The following UTP4 variants were observed in gnomAD, a reference collection of about 807,000 sequenced individuals.
UTP4 encodes the protein UTP4 small subunit processome component.
UTP4 carries 45 observed loss-of-function variants against 82.4 expected under a neutral mutation model. The observed-to-expected ratio is 0.55, with a 90% CI of 0.43 to 0.70. UTP4 has a LOEUF of 0.70. UTP4 is among the 30% of genes least tolerant of loss of function. UTP4 has a pLI of 0.00. For synonymous variants in UTP4, 348 were observed against 300.3 expected (o/e 1.16, Z -1.64); for missense variants, 819 against 858.3 (o/e 0.95, Z 0.57).
chr16:69,133,196 G>T (rs1262507689), intron 1 of UTP4, among the ~76,000 whole-genome samples: 1 of 151,802 alleles, frequency 6.6e-6, no homozygotes, highest in Non-Finnish European at 1.5e-5. Flanking sequence ...ATTCCTAGGC[G>T]CCCCGAGATA....
intron 5 of UTP4, among the ~76,000 whole-genome samples, chr16:69,140,523 C>CA: frequency 6.6e-6 from 1 of 152,254 alleles, no homozygotes; most frequent in African/African-American, 2.4e-5. Flanking sequence ...CAAGACCAGC[C>CA]TGACCAACAT....
chr16:69,155,745 G>A, intron 10 of UTP4, 126 bp from the exon 11 acceptor site: 1 of 1,003,424 alleles, frequency 1.0e-6, no homozygotes, highest in East Asian at 2.4e-5. Flanking sequence ...ACCACACGAG[G>A]ATCGAGATTA....
chr16:69,160,601 T>C (rs1963540509), intron 13 of UTP4, 139 bp downstream of exon 13: 1 of 516,624 alleles, frequency 1.9e-6, no homozygotes, highest in Admixed American at 3.3e-5. Flanking sequence ...TTCTTTTCTT[T>C]TTTTTTTTTT....
At chr16:69,164,921 C>T (rs1963661684) in intron 14 of UTP4, among the ~76,000 whole-genome samples, 2 of 152,058 alleles carry the variant, frequency 1.3e-5, no homozygotes, top group Non-Finnish European at 1.5e-5. Flanking sequence ...ATGGGCAGGG[C>T]GCGGTGGCTC....
At chr16:69,167,432 G>C in intron 16 of UTP4, 1 of 480,206 alleles carries the variant, frequency 2.1e-6, no homozygotes, top group East Asian at 4.0e-5. Flanking sequence ...AGAAATGTTG[G>C]CGCTGAGGGT....
intron 6 of UTP4, among the ~76,000 whole-genome samples, chr16:69,149,235 C>T (rs1336216020): frequency 6.6e-6 from 1 of 152,042 alleles, no homozygotes; most frequent in Non-Finnish European, 1.5e-5. Flanking sequence ...CAAAAATTAA[C>T]CAGGCATGGT....
chr16:69,167,411 C>A, intron 16 of UTP4: 1 of 529,466 alleles, frequency 1.9e-6, no homozygotes. Context: ...AAATGAAATG[C>A]GTAAGTAGTG....
intron 13 of UTP4, among the ~76,000 whole-genome samples, chr16:69,162,315 C>T (rs189812561): frequency 8.4e-4 from 128 of 152,016 alleles, no homozygotes; most frequent in African/African-American, 2.9e-3. Context: ...CGGTGGCTTA[C>T]GCCTGTAATC....
chr16:69,148,980 C>T (rs1029617885), intron 6 of UTP4, among the ~76,000 whole-genome samples: 2 of 151,810 alleles, frequency 1.3e-5, no homozygotes, highest in Non-Finnish European at 2.9e-5. Flanking sequence ...TTATTTCTTT[C>T]ATTCTTTTTA....
At chr16:69,154,827 C>T in intron 10 of UTP4, among the ~76,000 whole-genome samples, 1 of 152,066 alleles carries the variant, frequency 6.6e-6, no homozygotes, top group East Asian at 1.9e-4. Flanking sequence ...CTCCTGGGTT[C>T]AAGCGATTCT....
chr16:69,156,962 C>T (rs969664224), intron 11 of UTP4, 122 bp from the exon 12 acceptor site: 12 of 936,864 alleles, frequency 1.3e-5, no homozygotes, highest in Admixed American at 5.5e-5. Flanking sequence ...TGTTCTGTGC[C>T]GAGTCAGTTG....
At chr16:69,146,650 C>T (rs1436122443) in intron 6 of UTP4, among the ~76,000 whole-genome samples, 1 of 151,356 alleles carries the variant, frequency 6.6e-6, no homozygotes, top group Non-Finnish European at 1.5e-5. Context: ...CAGTTGAGGT[C>T]AGGAGTTCGA....
chr16:69,135,724 T>A (rs973130174), intron 2 of UTP4, among the ~76,000 whole-genome samples: 9 of 151,714 alleles, frequency 5.9e-5, no homozygotes, highest in Admixed American at 2.0e-4. Context: ...TCAAAAAAAA[T>A]AAATAAATAA....
chr16:69,167,164 T>C lies in UTP4; in HGVS notation c.1923T>C (p.Phe641=). 1.2e-6 allele frequency: 2 copies of C among 1,609,804 alleles called. No homozygotes were observed. The highest frequency in any genetic ancestry group is 1.3e-5 in the African/African-American group (1 of 74,972). The change falls in exon 16 of 17, where the codon TTT becomes TTC. Residue 641 remains phenylalanine (F), a synonymous_variant. Transcript: ENST00000314423. ...DVIRRRTAHA[F]KISKIYKPLL... ...TCCGGAGGCGCACAGCTCATGCTTTTAAAATTTCTAAGATATATAAGGTAA... is the reference window on the plus strand; with the variant it reads ...TCCGGAGGCGCACAGCTCATGCTTTCAAAATTTCTAAGATATATAAGGTAA...
intron 2 of UTP4, among the ~76,000 whole-genome samples, chr16:69,135,699 A>G (rs1019308273): frequency 2.6e-5 from 4 of 152,144 alleles, no homozygotes; most frequent in Non-Finnish European, 5.9e-5. Flanking sequence ...CTGGGTGACA[A>G]AATGAGACCC....
At chr16:69,147,381 T>C (rs886327044) in intron 6 of UTP4, among the ~76,000 whole-genome samples, 3 of 151,864 alleles carry the variant, frequency 2.0e-5, no homozygotes, top group African/African-American at 7.3e-5. Context: ...GGTATGCGCC[T>C]GTAGTCCCAG....
At position 69,167,183 on chromosome 16, in the gene UTP4, A is replaced by G; in HGVS notation, c.1942A>G (p.Lys648Glu). ...TGCTTTTAAAATTTCTAAGATATATAAGGTAAAACATCTTGTGTTGTTATT... is the reference window on the plus strand; with the variant it reads ...TGCTTTTAAAATTTCTAAGATATATGAGGTAAAACATCTTGTGTTGTTATT... ...AHAFKISKIYKPLLFMDLLDE... is the reference protein window; with the variant it reads ...AHAFKISKIYEPLLFMDLLDE... The change falls in exon 16 of 17, where the codon AAG (lysine) becomes GAG (glutamate). Residue 648 changes from lysine (K) to glutamate (E), a missense_variant and splice_region_variant. By Grantham distance (56) the Lys-to-Glu change is moderately conservative. Transcript: ENST00000314423. 2.5e-6 allele frequency: 4 copies of G among 1,569,034 alleles called. No homozygotes were observed. The highest frequency in any genetic ancestry group is 3.5e-6 in the Non-Finnish European group (4 of 1,138,922).
intron 15 of UTP4, chr16:69,166,851 G>C: frequency 1.8e-6 from 1 of 559,868 alleles, no homozygotes; most frequent in Non-Finnish European, 3.2e-6. Context: ...AGTAGCTTCA[G>C]CTCTTTCTCC....
In UTP4 at chr16:69,150,880, T is replaced by C. The variant is rs963993640; in HGVS notation, c.978T>C (p.Ala326=). 3 of 1,613,742 alleles carry C rather than the reference T, an allele frequency of 1.9e-6. No individual in the cohort carries two copies. The highest frequency in any genetic ancestry group is 2.5e-6 in the Non-Finnish European group (3 of 1,179,986). ...EKVEVKNYDA[A]LRKITFPHRC... ...TGGAAGTAAAGAATTACGATGCCGCTCTCCGAAAAATCACCTTTCCCCACG... is the reference window on the plus strand; with the variant it reads ...TGGAAGTAAAGAATTACGATGCCGCCCTCCGAAAAATCACCTTTCCCCACG... Residue 326 remains alanine (A), a synonymous_variant, in exon 8 of 17, where the codon GCT becomes GCC. Coordinates refer to ENST00000314423, the MANE Select transcript of UTP4 (RefSeq NM_032830.3).
Sources: allele counts gnomAD v4.1 joint callset (sites outside exome capture counted in the v4.1 genomes callset), GRCh38; gene constraint gnomAD v4.1.1; transcripts MANE v1.5; gene names NCBI Gene and HGNC (gene_info 2026-07-23, HGNC 2026-07-21).